Variants in IMMP2L observed in about 807,000 individuals in gnomAD.
IMMP2L encodes inner mitochondrial membrane peptidase subunit 2.
In IMMP2L, 18 loss-of-function variants were observed where a neutral mutation model predicts 19.3. The observed-to-expected ratio is 0.93, with a 90% CI of 0.64 to 1.38. IMMP2L has a LOEUF of 1.38. IMMP2L is among the 40% of genes most tolerant of loss of function. The pLI is 0.00. For synonymous variants in IMMP2L, 76 were observed against 73.0 expected, an observed-to-expected ratio of 1.04 and a Z score of -0.21; for missense variants, 233 against 218.2, an observed-to-expected ratio of 1.07 and a Z score of -0.43.
intron 5 of IMMP2L, among the ~76,000 whole-genome samples, chr7:110,748,507 G>C (rs1370981542): frequency 6.6e-6 from 1 of 152,050 alleles, no homozygotes; most frequent in Non-Finnish European, 1.5e-5. Context: ...TACATTACAA[G>C]GCTACAGTAA....
At chr7:111,150,722 T>C (rs531672292) in intron 3 of IMMP2L, among the ~76,000 whole-genome samples, 19 of 152,348 alleles carry the variant, frequency 1.2e-4, no homozygotes, top group Non-Finnish European at 2.1e-4. Context: ...GATATACATA[T>C]GTATATATTC....
intron 5 of IMMP2L, among the ~76,000 whole-genome samples, chr7:110,811,680 T>C (rs1257502341): frequency 6.6e-6 from 1 of 152,120 alleles, no homozygotes; most frequent in African/African-American, 2.4e-5. Flanking sequence ...TAAAGTGTTA[T>C]GCAAACATTG....
At chr7:111,176,233 A>G (rs1027020342) in intron 3 of IMMP2L, among the ~76,000 whole-genome samples, 1 of 151,978 alleles carries the variant, frequency 6.6e-6, no homozygotes, top group Admixed American at 6.6e-5. Flanking sequence ...CTAAAAATAG[A>G]ACTACCATAT....
At chr7:111,381,192 G>A (rs936991539) in intron 3 of IMMP2L, among the ~76,000 whole-genome samples, 2 of 151,888 alleles carry the variant, frequency 1.3e-5, no homozygotes, top group South Asian at 4.1e-4. Context: ...AGTAGAGAAG[G>A]GCCAGACCAC....
In IMMP2L at chr7:110,671,880, T is replaced by A. The variant is rs9656171; in HGVS notation, c.409-8159A>T. Among the ~76,000 whole-genome samples the A allele has an allele frequency of 2.5e-3, 380 of 152,180 alleles. 2 individuals carry two copies. Among genetic ancestry groups the A allele is most frequent in the African/African-American group, 8.9e-3 (370 of 41,542 alleles). ...AAGACTGTTAGCGGGAGGAAAGACA[T>A]TTTTTAAAAAGATGTTCAGGCACTT... is the stretch of plus-strand genomic sequence containing the variant. On this transcript the variant is annotated intron_variant, in intron 5 of 5. Coordinates refer to ENST00000405709, the MANE Select transcript of IMMP2L (RefSeq NM_032549.4).
chr7:111,337,271 T>C (rs1234373775), intron 3 of IMMP2L, among the ~76,000 whole-genome samples: 1 of 152,032 alleles, frequency 6.6e-6, no homozygotes, highest in African/African-American at 2.4e-5. Context: ...GAAACACAAA[T>C]AGATATTGAT....
chr7:111,047,635 A>G (rs1214837434), intron 3 of IMMP2L, among the ~76,000 whole-genome samples: 1 of 152,116 alleles, frequency 6.6e-6, no homozygotes, highest in Non-Finnish European at 1.5e-5. Flanking sequence ...ACACTCATCT[A>G]ACTGTATGCT....
chr7:111,044,134 T>C (rs1563188347), intron 3 of IMMP2L, among the ~76,000 whole-genome samples: 3 of 152,248 alleles, frequency 2.0e-5, no homozygotes, highest in South Asian at 4.1e-4. Context: ...TCTATTTAGA[T>C]GTTTCTTCAC....
chr7:111,437,488 T>C (rs1332713278), intron 3 of IMMP2L, among the ~76,000 whole-genome samples: 1 of 151,910 alleles, frequency 6.6e-6, no homozygotes, highest in Non-Finnish European at 1.5e-5. Flanking sequence ...TCACAGTTTT[T>C]AAAAACCCAA....
At chr7:110,704,299 C>T (rs1000439435) in intron 5 of IMMP2L, among the ~76,000 whole-genome samples, 2 of 152,088 alleles carry the variant, frequency 1.3e-5, no homozygotes, top group Non-Finnish European at 2.9e-5. Flanking sequence ...AAAAATTGAG[C>T]CTAAGTTACT....
chr7:110,984,622 C>T (rs953673023), intron 3 of IMMP2L, among the ~76,000 whole-genome samples: 26 of 151,912 alleles, frequency 1.7e-4, no homozygotes, highest in African/African-American at 4.1e-4. Flanking sequence ...GTTAAAAATT[C>T]GTGGTAATAG....
chr7:111,548,667 A>G (rs1488167116), intron 1 of IMMP2L, among the ~76,000 whole-genome samples: 2 of 152,152 alleles, frequency 1.3e-5, no homozygotes, highest in South Asian at 2.1e-4. Context: ...TTAATTCATT[A>G]TCATGTCACT....
chr7:110,925,838 CA>C (rs1033638424), intron 4 of IMMP2L, among the ~76,000 whole-genome samples: 2 of 151,574 alleles, frequency 1.3e-5, no homozygotes, highest in African/African-American at 2.4e-5. Context: ...ACAAAGAAGG[CA>C]AAAATAGGAG....
intron 5 of IMMP2L, among the ~76,000 whole-genome samples, chr7:110,886,000 C>T (rs548021508): frequency 6.6e-5 from 10 of 152,072 alleles, no homozygotes; most frequent in African/African-American, 1.7e-4. Flanking sequence ...AAAGTATGTA[C>T]GTTTTTCCAC....
chr7:111,349,117 G>A (rs1012607569), intron 3 of IMMP2L, among the ~76,000 whole-genome samples: 1 of 152,076 alleles, frequency 6.6e-6, no homozygotes, highest in African/African-American at 2.4e-5. Flanking sequence ...TGATTTCAGA[G>A]CTCAAACTAC....
chr7:111,235,259 G>A (rs1232663513), intron 3 of IMMP2L, among the ~76,000 whole-genome samples: 1 of 152,010 alleles, frequency 6.6e-6, no homozygotes, highest in African/African-American at 2.4e-5. Flanking sequence ...ATCACCTGAG[G>A]TCAGGAGTTC....
At chr7:111,197,700 T>G (rs1809658750) in intron 3 of IMMP2L, among the ~76,000 whole-genome samples, 2 of 152,156 alleles carry the variant, frequency 1.3e-5, no homozygotes, top group South Asian at 4.1e-4. Flanking sequence ...TCAGCAGAAC[T>G]ACTATACAAT....
intron 3 of IMMP2L, among the ~76,000 whole-genome samples, chr7:111,001,939 A>G (rs35830410): frequency 0.028 from 4,320 of 152,278 alleles, 95 homozygotes; most frequent in Non-Finnish European, 0.04. Flanking sequence ...GATCACATTC[A>G]AATTCCTCCA....
At chr7:111,119,045 C>T (rs1036437801) in intron 3 of IMMP2L, among the ~76,000 whole-genome samples, 3 of 152,122 alleles carry the variant, frequency 2.0e-5, no homozygotes, top group East Asian at 1.9e-4. Flanking sequence ...TAAGACTCCC[C>T]CAGAAAGAAT....
Sources: gnomAD v4.1 joint callset for allele counts (sites outside exome capture counted in the v4.1 genomes callset) on GRCh38, gnomAD v4.1.1 for gene constraint, MANE v1.5 for transcripts, NCBI Gene and HGNC (gene_info 2026-07-23, HGNC 2026-07-21) for gene names.